Variants in ACER2 observed in about 807,000 individuals in gnomAD.
ACER2 encodes alkaline ceramidase 2.
In ACER2, 26 loss-of-function variants were observed where a neutral mutation model predicts 34.7. That is an observed-to-expected ratio of 0.75 (90% confidence interval 0.55 to 1.04). The LOEUF (loss-of-function observed/expected upper bound fraction) is 1.04, where lower values mean the gene tolerates loss of function less well. ACER2 is among the 50% of genes least tolerant of loss of function. ACER2 has a pLI of 0.00. For missense variants in ACER2, 352 were observed against 340.8 expected (o/e 1.03, Z -0.26); for synonymous variants, 138 against 132.1 (o/e 1.04, Z -0.31).
chr9:19,433,309 C>A (rs1374132781), intron 3 of ACER2, among the ~76,000 whole-genome samples: 1 of 151,844 alleles, frequency 6.6e-6, no homozygotes, highest in African/African-American at 2.4e-5. Context: ...CGGCCTTCCG[C>A]AGCGTTTGGG....
Position 19,428,594 on chromosome 9 carries a change from T to TA in ACER2, c.365+3763dup, listed in dbSNP as rs995340403. 6.8e-3 allele frequency among the ~76,000 whole-genome samples: 988 copies of TA among 145,128 alleles called. 10 individuals are homozygous for TA. The highest frequency in any genetic ancestry group is 0.022 in the African/African-American group (859 of 39,738). The stretch of plus-strand genomic sequence containing the variant: ...ACATGGCTTTGAATAACAATTAACC[T>TA]AAAAAAAAAAGGCTCTGGGACCCTG... On this transcript the variant is annotated intron_variant, in intron 3 of 5. Coordinates refer to ENST00000340967, the MANE Select transcript of ACER2 (RefSeq NM_001010887.3).
In ACER2 at chr9:19,423,746, C is replaced by T. The variant is rs539685336; in HGVS notation, c.109-116C>T. 178 of 765,136 alleles carry T rather than the reference C, an allele frequency of 2.3e-4. 4 individuals carry two copies. In the South Asian group the frequency reaches 2.5e-3, roughly 11 times the overall value. 47.4% of individuals were successfully genotyped at this position (765,136 alleles called of 1,614,324 possible). The stretch of plus-strand genomic sequence containing the variant: ...AAAAGAAAAAGTGCAAGAGCTTAAA[C>T]GAGATGTGTGACCACATTTATCCCA... On this transcript the variant is annotated intron_variant, in intron 1 of 5. Coordinates refer to ENST00000340967, the MANE Select transcript of ACER2 (RefSeq NM_001010887.3).
chr9:19,418,994 C>G (rs1563874177), intron 1 of ACER2, among the ~76,000 whole-genome samples: 1 of 152,146 alleles, frequency 6.6e-6, no homozygotes, highest in Non-Finnish European at 1.5e-5. Context: ...CCAGACCAGC[C>G]TGACCAACAT....
chr9:19,441,374 C>T (rs972751676), intron 4 of ACER2, among the ~76,000 whole-genome samples: 6 of 152,046 alleles, frequency 3.9e-5, no homozygotes, highest in Non-Finnish European at 5.9e-5. Context: ...TTCTACCAGT[C>T]GATGTTGCAA....
intron 1 of ACER2, among the ~76,000 whole-genome samples, chr9:19,422,036 C>A (rs1415915982): frequency 1.3e-5 from 2 of 151,444 alleles, no homozygotes; most frequent in Non-Finnish European, 2.9e-5. Flanking sequence ...ATAATCCCAG[C>A]ATTTTGGGAG....
chr9:19,418,649 A>G (rs949452205), intron 1 of ACER2, among the ~76,000 whole-genome samples: 1 of 152,174 alleles, frequency 6.6e-6, no homozygotes. Flanking sequence ...TGGAACGAGA[A>G]CACATGGACA....
intron 3 of ACER2, among the ~76,000 whole-genome samples, chr9:19,434,547 G>A (rs976728095): frequency 1.3e-5 from 2 of 152,248 alleles, no homozygotes; most frequent in African/African-American, 4.8e-5. Context: ...GAGGCTGGCG[G>A]ATCACTCGCG....
chr9:19,435,318 T>C (rs1830924734), intron 4 of ACER2, among the ~76,000 whole-genome samples: 2 of 152,194 alleles, frequency 1.3e-5, no homozygotes, highest in South Asian at 4.1e-4. Flanking sequence ...GATCACAAGC[T>C]AGCTTACCAG....
chr9:19,450,675 C>G lies in ACER2; in HGVS notation c.*39C>G. On this transcript the variant is annotated 3_prime_UTR_variant, in exon 6 of 6. Transcript: ENST00000340967. ...GCTGGCTTCTCTGCTTATCGCCCCT[C>G]ATGCAGTGGGCTTCCTTTGCTAGGA... The G allele has an allele frequency of 6.7e-7, 1 of 1,494,744 alleles. No homozygotes were observed. The highest frequency in any genetic ancestry group is 9.1e-7 in the Non-Finnish European group (1 of 1,101,986). The allele number at this position is 1,494,744 out of a possible 1,614,324, so 92.6% of individuals were successfully genotyped here. A position where few individuals can be genotyped will look rare whatever the true frequency, so the allele number is the denominator to read the frequency against.
At chr9:19,421,565 G>C (rs1830408460) in intron 1 of ACER2, among the ~76,000 whole-genome samples, 1 of 152,120 alleles carries the variant, frequency 6.6e-6, no homozygotes. Flanking sequence ...AAAGACAAAA[G>C]GCAGATTGGT....
rs1380229789 is a variant in ACER2 at position 19,452,161 on chromosome 9, C to A, written c.*1525C>A. 3.9e-5 allele frequency: 6 copies of A among 152,650 alleles called. No homozygotes were observed. The highest frequency in any genetic ancestry group is 1.4e-4 in the African/African-American group (6 of 41,454). The allele number at this position is 152,650 out of a possible 1,614,324, so 9.5% of individuals were successfully genotyped here. A position where few individuals can be genotyped will look rare whatever the true frequency, so the allele number is the denominator to read the frequency against. On this transcript the variant is annotated 3_prime_UTR_variant, in exon 6 of 6. Transcript: ENST00000340967. ...TCAGGGATACTCATTTTAACTCAGG[C>A]GTGTCCTGCTTTGTAACATTCCATT...
intron 1 of ACER2, among the ~76,000 whole-genome samples, chr9:19,416,684 C>G (rs905410050): frequency 1.0e-4 from 15 of 148,894 alleles, no homozygotes; most frequent in Non-Finnish European, 1.6e-4. Flanking sequence ...CGCCACCATG[C>G]CCAGCTAATT....
chr9:19,449,535 A>AT, intron 5 of ACER2, among the ~76,000 whole-genome samples: 1 of 151,972 alleles, frequency 6.6e-6, no homozygotes, highest in East Asian at 1.9e-4. Context: ...GGATTTCTGG[A>AT]TTTTGTGTAA....
intron 4 of ACER2, among the ~76,000 whole-genome samples, chr9:19,440,848 A>G (rs1008793868): frequency 6.6e-5 from 10 of 152,008 alleles, no homozygotes; most frequent in African/African-American, 1.9e-4. Flanking sequence ...AACCTGTCTA[A>G]TTCCATGTAT....
At chr9:19,428,834 G>C (rs1211239298) in intron 3 of ACER2, among the ~76,000 whole-genome samples, 3 of 123,598 alleles carry the variant, frequency 2.4e-5, no homozygotes, top group Non-Finnish European at 4.7e-5. Flanking sequence ...CTGTCACCCA[G>C]GCTAGAGAGC....
At chr9:19,432,279 A>G (rs950492676) in intron 3 of ACER2, among the ~76,000 whole-genome samples, 1 of 152,160 alleles carries the variant, frequency 6.6e-6, no homozygotes, top group African/African-American at 2.4e-5. Context: ...TTTTTCTTAA[A>G]ACTTTTTTTG....
rs549095182 is a variant in ACER2, at chr9:19,412,668, A to C, written c.108+3476A>C. Among the ~76,000 whole-genome samples the C allele has an allele frequency of 1.9e-3, 296 of 151,856 alleles. 3 individuals are homozygous for C. Among genetic ancestry groups the C allele is most frequent in the African/African-American group, 6.6e-3 (273 of 41,442 alleles). ...CAAGATTCTGTCTCAAAAAAAAAAA[A>C]AAAAAAACCAGCATGTATGGCGTAA... On this transcript the variant is annotated intron_variant, in intron 1 of 5. Transcript: ENST00000340967.
intron 1 of ACER2, among the ~76,000 whole-genome samples, chr9:19,418,020 A>G (rs1830287194): frequency 1.3e-5 from 2 of 152,236 alleles, no homozygotes; most frequent in Non-Finnish European, 2.9e-5. Flanking sequence ...AAACAACCCC[A>G]TCAAAAAGTG....
chr9:19,441,607 A>T (rs1384253937), intron 4 of ACER2, among the ~76,000 whole-genome samples: 1 of 152,016 alleles, frequency 6.6e-6, no homozygotes, highest in Non-Finnish European at 1.5e-5. Context: ...GGGCTGAGCT[A>T]TTTATATGCT....
Sources: allele counts gnomAD v4.1 joint callset (sites outside exome capture counted in the v4.1 genomes callset), GRCh38; gene constraint gnomAD v4.1.1; transcripts MANE v1.5; gene names NCBI Gene and HGNC (gene_info 2026-07-23, HGNC 2026-07-21).